VPS41: variants seen among roughly 807,000 people sequenced by gnomAD.
VPS41 encodes the protein vacuolar protein sorting-associated protein 41 homolog.
In VPS41, 85 loss-of-function variants were observed where a neutral mutation model predicts 130.9. That is an observed-to-expected ratio of 0.65 (90% CI 0.55 to 0.78). The LOEUF (loss-of-function observed/expected upper bound fraction) is 0.78, where lower values mean the gene tolerates loss of function less well. Ranked by LOEUF, VPS41 falls within the 30% of genes least tolerant of loss-of-function variation. The pLI is 0.00. For synonymous variants in VPS41, 335 were observed against 332.9 expected, an observed-to-expected ratio of 1.01 and a Z score of -0.07; for missense variants, 874 against 1,018.7, an observed-to-expected ratio of 0.86 and a Z score of 1.93.
At chr7:38,794,368 G>A (rs982115874) in intron 9 of VPS41, among the ~76,000 whole-genome samples, 2 of 152,110 alleles carry the variant, frequency 1.3e-5, no homozygotes, top group African/African-American at 4.8e-5. Context: ...ATGAGGGCTG[G>A]GAGGGCCTGA....
chr7:38,878,868 T>G (rs747937304), intron 2 of VPS41, among the ~76,000 whole-genome samples: 13 of 152,240 alleles, frequency 8.5e-5, no homozygotes, highest in Admixed American at 2.0e-4. Context: ...ATTCCCATCA[T>G]CAGCAGGAAA....
intron 5 of VPS41, among the ~76,000 whole-genome samples, chr7:38,825,091 TAC>T (rs1785244408): frequency 6.6e-6 from 1 of 152,206 alleles, no homozygotes; most frequent in Admixed American, 6.5e-5. Context: ...CAGGCACCGA[TAC>T]ACATCACTAT....
At chr7:38,777,445 C>A (rs1332331540) in intron 10 of VPS41, among the ~76,000 whole-genome samples, 2 of 152,034 alleles carry the variant, frequency 1.3e-5, no homozygotes, top group East Asian at 3.9e-4. Context: ...TTGCACTGGA[C>A]CCCAAAGATC....
chr7:38,778,963 C>T (rs905402127), intron 10 of VPS41, among the ~76,000 whole-genome samples: 1 of 152,198 alleles, frequency 6.6e-6, no homozygotes, highest in Non-Finnish European at 1.5e-5. Flanking sequence ...CATGCCAACT[C>T]CCCAGTCCAC....
At chr7:38,757,722 A>T (rs1222246962) in intron 18 of VPS41, among the ~76,000 whole-genome samples, 1 of 152,162 alleles carries the variant, frequency 6.6e-6, no homozygotes, top group Non-Finnish European at 1.5e-5. Flanking sequence ...TGATGGGGGC[A>T]CTGAGGAGAG....
chr7:38,752,048 G>C, intron 22 of VPS41, 128 bp downstream of exon 22: 1 of 1,354,484 alleles, frequency 7.4e-7, no homozygotes, highest in Non-Finnish European at 1.0e-6. Flanking sequence ...CTACTTCTTT[G>C]AGAGCAACAG....
chr7:38,795,248 A>G (rs1004349513), intron 9 of VPS41, among the ~76,000 whole-genome samples: 1 of 152,228 alleles, frequency 6.6e-6, no homozygotes, highest in African/African-American at 2.4e-5. Flanking sequence ...TCAACACGAA[A>G]AAGTTCACAA....
chr7:38,731,940 T>C (rs1032888877), intron 25 of VPS41, among the ~76,000 whole-genome samples: 2 of 152,174 alleles, frequency 1.3e-5, no homozygotes, highest in East Asian at 3.9e-4. Flanking sequence ...CTGCTCCTTC[T>C]TTTCAAACAC....
At chr7:38,769,406 G>A (rs73368214) in intron 14 of VPS41, among the ~76,000 whole-genome samples, 8,428 of 152,252 alleles carry the variant, frequency 0.055, 765 homozygotes, top group African/African-American at 0.19. Context: ...AGTATAAACA[G>A]GTTACAGTCA....
chr7:38,883,202 G>A lies in VPS41; in HGVS notation c.61-13949C>T, dbSNP rs189138196. 8.1e-3 allele frequency among the ~76,000 whole-genome samples: 1,239 copies of A among 152,258 alleles called. 8 individuals are homozygous for A. The highest frequency in any genetic ancestry group is 0.011 in the Non-Finnish European group (735 of 68,008). ...AGGTTGCAGTGAGCCGAGATCGGCCGCTGCGCTCCAGCCTGGGTGACAGAG... is the reference window on the plus strand; with the variant it reads ...AGGTTGCAGTGAGCCGAGATCGGCCACTGCGCTCCAGCCTGGGTGACAGAG... On this transcript the variant is annotated intron_variant, in intron 2 of 28. Coordinates refer to ENST00000310301, the MANE Select transcript of VPS41 (RefSeq NM_014396.4).
At chr7:38,883,203 C>T (rs543202833) in intron 2 of VPS41, among the ~76,000 whole-genome samples, 47 of 152,324 alleles carry the variant, frequency 3.1e-4, no homozygotes, top group African/African-American at 1.1e-3. Context: ...AGATCGGCCG[C>T]TGCGCTCCAG....
At chr7:38,886,706 G>A (rs960796913) in intron 2 of VPS41, among the ~76,000 whole-genome samples, 5 of 152,236 alleles carry the variant, frequency 3.3e-5, no homozygotes, top group Non-Finnish European at 7.3e-5. Flanking sequence ...ATAACGGACA[G>A]ACTGCCTCCT....
At chr7:38,900,095 A>C (rs952833553) in intron 1 of VPS41, among the ~76,000 whole-genome samples, 3 of 152,244 alleles carry the variant, frequency 2.0e-5, no homozygotes, top group African/African-American at 7.2e-5. Flanking sequence ...AAAAAATGAA[A>C]AGAAAATTAG....
At chr7:38,879,240 T>C (rs958467089) in intron 2 of VPS41, among the ~76,000 whole-genome samples, 10 of 152,184 alleles carry the variant, frequency 6.6e-5, no homozygotes, top group African/African-American at 1.9e-4. Flanking sequence ...AGATCCAGCG[T>C]TGACCTCTCC....
chr7:38,751,322 G>A (rs1311184535), intron 22 of VPS41, among the ~76,000 whole-genome samples: 1 of 152,204 alleles, frequency 6.6e-6, no homozygotes, highest in Non-Finnish European at 1.5e-5. Context: ...ACTTTCAAAA[G>A]TATCTGGCCA....
intron 2 of VPS41, among the ~76,000 whole-genome samples, chr7:38,883,194 G>T (rs1439191670): frequency 1.3e-5 from 2 of 152,210 alleles, no homozygotes; most frequent in East Asian, 3.9e-4. Context: ...AGTGAGCCGA[G>T]ATCGGCCGCT....
intron 4 of VPS41, among the ~76,000 whole-genome samples, chr7:38,839,621 G>A (rs1212374712): frequency 6.6e-6 from 1 of 151,940 alleles, no homozygotes; most frequent in African/African-American, 2.4e-5. Flanking sequence ...AGTAGAGATG[G>A]GGTTTCACCA....
chr7:38,879,670 A>G (rs1287563320), intron 2 of VPS41, among the ~76,000 whole-genome samples: 1 of 152,112 alleles, frequency 6.6e-6, no homozygotes, highest in Non-Finnish European at 1.5e-5. Context: ...GATCCTCATA[A>G]GGAGTGCAAC....
At chr7:38,851,582 T>C (rs1002613240) in intron 4 of VPS41, among the ~76,000 whole-genome samples, 5 of 152,244 alleles carry the variant, frequency 3.3e-5, no homozygotes, top group African/African-American at 4.8e-5. Flanking sequence ...AATGGACGTA[T>C]AGATTGTTTC....
Sources: allele counts gnomAD v4.1 joint callset (sites outside exome capture counted in the v4.1 genomes callset), GRCh38; gene constraint gnomAD v4.1.1; transcripts MANE v1.5; gene names NCBI Gene and HGNC (gene_info 2026-07-23, HGNC 2026-07-21).